Variants in ADGRG1 observed in about 807,000 individuals in gnomAD.
ADGRG1 encodes adhesion G protein-coupled receptor G1.
ADGRG1 carries 53 observed loss-of-function variants against 73.5 expected under a neutral mutation model. The observed-to-expected ratio is 0.72, with a 90% CI of 0.58 to 0.91. ADGRG1 has a LOEUF of 0.91. Ranked by LOEUF, ADGRG1 falls within the 40% of genes least tolerant of loss-of-function variation. The probability of loss-of-function intolerance (pLI) is 0.00; values close to 1 mark genes in which losing one functional copy is unlikely to be tolerated. For missense variants in ADGRG1, 795 were observed against 871.8 expected, an observed-to-expected ratio of 0.91 and a Z score of 1.11; for synonymous variants, 394 against 374.4, an observed-to-expected ratio of 1.05 and a Z score of -0.60.
chr16:57,629,986 G>A, intron 1 of ADGRG1: 1 of 985,190 alleles, frequency 1.0e-6, no homozygotes, highest in East Asian at 1.1e-4. Context: ...TGGAGCAGTT[G>A]TAGCCTGGGG....
intron 1 of ADGRG1, chr16:57,634,556 C>A: frequency 1.2e-6 from 1 of 825,282 alleles, no homozygotes; most frequent in Non-Finnish European, 1.5e-6. Context: ...GATGAGGAAT[C>A]AGGCCCAAGA....
Position 57,654,115 on chromosome 16 carries a change from C to T in ADGRG1, c.750C>T (p.His250=). ...CCACAGCCGGCCTCCAGGACCTGCA[C>T]ATCCACTCCCGGCAGGAGGTCAGGG... ...LQPTAGLQDL[H]IHSRQEEEQS... The change falls in exon 5 of 14, where the codon CAC becomes CAT. Residue 250 remains histidine (H), a synonymous_variant. Transcript: ENST00000562631. The T allele has an allele frequency of 1.2e-6, 2 of 1,613,212 alleles. No homozygotes were observed. The highest frequency in any genetic ancestry group is 2.2e-5 in the South Asian group (2 of 91,078).
intron 1 of ADGRG1, chr16:57,645,199 C>A: frequency 1.0e-6 from 1 of 985,448 alleles, no homozygotes; most frequent in Non-Finnish European, 1.2e-6. Context: ...AGAGCAGCTG[C>A]GGACGGGAGG....
At chr16:57,644,697 T>G (rs1224881480) in intron 1 of ADGRG1, among the ~76,000 whole-genome samples, 2 of 98,512 alleles carry the variant, frequency 2.0e-5, no homozygotes, top group African/African-American at 8.3e-5. Flanking sequence ...AGCACACACA[T>G]GCACGGGCAC....
At chr16:57,629,033 AGAGTGTGAGT>A (rs1212909053) in intron 1 of ADGRG1, 2 of 373,566 alleles carry the variant, frequency 5.4e-6, no homozygotes, top group Non-Finnish European at 6.8e-6. Flanking sequence ...TTTGAGTGTG[AGAGTGTGAGT>A]GAGTGTGTGT....
At chr16:57,655,329 G>A in intron 5 of ADGRG1, 70 bp from the exon 6 acceptor site, 1 of 1,599,422 alleles carries the variant, frequency 6.3e-7, no homozygotes, top group African/African-American at 1.3e-5. Flanking sequence ...GTGTGTGTGT[G>A]TGTGTGCTAG....
At chr16:57,650,213 A>C in intron 1 of ADGRG1, 40 bp from the exon 2 acceptor site, 21 of 1,560,808 alleles carry the variant, frequency 1.3e-5, no homozygotes, top group Non-Finnish European at 1.9e-5. Context: ...CAACCACCAC[A>C]CAGTCCACAC....
At chr16:57,644,038 G>T (rs1412237612) in intron 1 of ADGRG1, 3 of 985,132 alleles carry the variant, frequency 3.0e-6, no homozygotes, top group East Asian at 1.1e-4. Flanking sequence ...TGGAGGGAGG[G>T]TCCTCTCAGA....
intron 5 of ADGRG1, 77 bp from the exon 6 acceptor site, chr16:57,655,318 GGTGT>G (rs34289485): frequency 2.0e-5 from 30 of 1,533,220 alleles, no homozygotes; most frequent in Admixed American, 8.7e-5. Flanking sequence ...GGAACGGATG[GGTGT>G]GTGTGTGTGT....
At chr16:57,628,264 C>T (rs529522259), upstream of ADGRG1, 84 of 843,362 alleles carry the variant, frequency 1.0e-4, no homozygotes, top group Middle Eastern at 4.3e-3. Context: ...GGACAGCATC[C>T]AAGGGCCCTG....
In ADGRG1 at chr16:57,651,292, G is replaced by C. The variant is rs758040938; in HGVS notation, c.157G>C (p.Asp53His). The C allele has an allele frequency of 3.1e-6, 5 of 1,614,106 alleles. No homozygotes were observed. In the Admixed American group the frequency reaches 8.3e-5, roughly 27 times the overall value. The change falls in exon 3 of 14, where the codon GAC becomes CAC. Residue 53 changes from aspartate (D) to histidine (H), a missense_variant. Asp to His is a moderately conservative substitution (Grantham distance 81). Coordinates refer to ENST00000562631, the MANE Select transcript of ADGRG1 (RefSeq NM_201525.4). The stretch of plus-strand genomic sequence containing the variant: ...CAGCCTCCACTACAAACCCACACCA[G>C]ACCTGCGCATCTCCATCGAGAACTC... The part of the protein sequence containing the change: ...RSSLHYKPTP[D>H]LRISIENSEE...
chr16:57,638,153 G>C (rs756797569), intron 1 of ADGRG1, among the ~76,000 whole-genome samples: 1 of 152,250 alleles, frequency 6.6e-6, no homozygotes, highest in African/African-American at 2.4e-5. Flanking sequence ...TTCAAATAAA[G>C]TTGGCTGAGC....
intron 11 of ADGRG1, chr16:57,660,159 C>A (rs1358674813): frequency 1.5e-6 from 1 of 665,744 alleles, no homozygotes; most frequent in Non-Finnish European, 1.9e-6. Flanking sequence ...TTATGTCAGA[C>A]CTACAGCCCA....
intron 3 of ADGRG1, chr16:57,652,945 G>A: frequency 2.9e-6 from 4 of 1,359,550 alleles, no homozygotes; most frequent in Non-Finnish European, 3.8e-6. Context: ...TCTGCGGAGG[G>A]TGCTGAGCAA....
At chr16:57,655,343 G>C (rs116436843) in intron 5 of ADGRG1, 56 bp from the exon 6 acceptor site, 18 of 1,600,540 alleles carry the variant, frequency 1.1e-5, no homozygotes, top group South Asian at 7.7e-5. Context: ...GTGCTAGGGT[G>C]GGGGGCACGG....
chr16:57,621,731 C>G (rs548995209), intron 2 of ADGRG1: 1 of 339,856 alleles, frequency 2.9e-6, no homozygotes, highest in South Asian at 1.2e-4. Context: ...GCACCTGACA[C>G]CAGGCCTGGC....
intron 1 of ADGRG1, chr16:57,647,961 C>G (rs560752076): frequency 5.0e-5 from 8 of 161,468 alleles, no homozygotes; most frequent in African/African-American, 1.9e-4. Context: ...CTGCTTTGTC[C>G]TTCAGCCATG....
intron 3 of ADGRG1, chr16:57,652,009 A>G (rs1372707956): frequency 8.5e-7 from 1 of 1,173,336 alleles, no homozygotes; most frequent in Non-Finnish European, 1.1e-6. Context: ...CCTCAGCATC[A>G]GTGTAGACTG....
intron 2 of ADGRG1, among the ~76,000 whole-genome samples, chr16:57,622,489 C>T (rs1481339446): frequency 6.6e-6 from 1 of 152,202 alleles, no homozygotes; most frequent in East Asian, 1.9e-4. Flanking sequence ...GTGCAGAGGA[C>T]ACCGTGACAT....
Sources: allele counts gnomAD v4.1 joint callset (sites outside exome capture counted in the v4.1 genomes callset), GRCh38; gene constraint gnomAD v4.1.1; transcripts MANE v1.5; gene names NCBI Gene and HGNC (gene_info 2026-07-23, HGNC 2026-07-21).